The following MED12L variants were observed in gnomAD, a reference collection of about 807,000 sequenced individuals.
The protein encoded by MED12L is mediator of RNA polymerase II transcription subunit 12-like protein.
Under a neutral mutation model 281.3 loss-of-function variants are expected in MED12L, and 60 were observed. That is an observed-to-expected ratio of 0.21 (90% CI 0.17 to 0.26). MED12L has a LOEUF of 0.26. MED12L is among the 10% of genes least tolerant of loss of function. MED12L has a pLI of 1.00. For missense variants in MED12L, 2,146 were observed against 2,680.9 expected (o/e 0.80, Z 4.41); for synonymous variants, 974 against 987.2 (o/e 0.99, Z 0.25).
chr3:151,383,697 A>C, intron 33 of MED12L, 82 bp from the exon 34 acceptor site: 1 of 846,588 alleles, frequency 1.2e-6, no homozygotes, highest in Non-Finnish European at 1.9e-6. Context: ...ATAAAAAACA[A>C]TCAAAATTTG....
intron 16 of MED12L, among the ~76,000 whole-genome samples, chr3:151,224,270 A>T (rs1730028097): frequency 6.6e-6 from 1 of 152,152 alleles, no homozygotes; most frequent in South Asian, 2.1e-4. Flanking sequence ...CAGTCCAGAC[A>T]TCAAAAGCTT....
chr3:151,140,620 A>T (rs1398221673), intron 5 of MED12L, among the ~76,000 whole-genome samples: 1 of 152,186 alleles, frequency 6.6e-6, no homozygotes, highest in African/African-American at 2.4e-5. Context: ...ATTTATGTTT[A>T]ATTAATTTTT....
intron 4 of MED12L, among the ~76,000 whole-genome samples, chr3:151,125,854 A>G (rs767412707): frequency 7.9e-5 from 12 of 152,098 alleles, no homozygotes; most frequent in Non-Finnish European, 1.2e-4. Flanking sequence ...AAAATTTAGT[A>G]TCTGTCTGCA....
At chr3:151,102,700 T>C (rs78309163) in intron 2 of MED12L, among the ~76,000 whole-genome samples, 3,886 of 152,266 alleles carry the variant, frequency 0.026, 129 homozygotes, top group East Asian at 0.18. Context: ...CTTGAATTCC[T>C]GGACAATCAA....
In MED12L at chr3:151,198,701, G is replaced by T. The variant is rs951113462; in HGVS notation, c.2250+5035G>T. 2.5e-6 allele frequency: 4 copies of T among 1,613,834 alleles called. No individual in the cohort carries two copies. The East Asian group carries it at 6.7e-5, about 27-fold the overall frequency. On this transcript the variant is annotated intron_variant, in intron 16 of 44. Transcript: ENST00000687756. ...AACAAAGCATATGATGTAGCCCGTG[G>T]TCACTAAAAGTATGTTGATGAGAGC...
At chr3:151,219,625 GT>G (rs1728926837) in intron 16 of MED12L, 2 of 152,100 alleles carry the variant, frequency 1.3e-5, no homozygotes, top group East Asian at 3.8e-4. Flanking sequence ...TGGCCCAAGT[GT>G]TTTTTCATTA....
intron 16 of MED12L, among the ~76,000 whole-genome samples, chr3:151,276,238 A>T (rs1331661651): frequency 2.0e-5 from 3 of 152,212 alleles, no homozygotes; most frequent in Admixed American, 2.0e-4. Flanking sequence ...CTGATTCTGT[A>T]GGTTTGGGGT....
chr3:151,187,409 G>A (rs77370840), intron 12 of MED12L, among the ~76,000 whole-genome samples: 6,015 of 152,104 alleles, frequency 0.04, 394 homozygotes, highest in African/African-American at 0.14. Flanking sequence ...TAGCCTAAAT[G>A]TATCTATATC....
At chr3:151,188,144 C>A (rs1001089518) in intron 12 of MED12L, 3 of 344,320 alleles carry the variant, frequency 8.7e-6, no homozygotes, top group Non-Finnish European at 1.6e-5. Context: ...CGTCTGATCT[C>A]GGAAGCTAAG....
intron 39 of MED12L, 102 bp from the exon 40 acceptor site, chr3:151,409,141 C>T (rs1359634207): frequency 3.9e-6 from 3 of 779,010 alleles, no homozygotes; most frequent in East Asian, 2.6e-5. Flanking sequence ...GTTCTTTATC[C>T]ATGTAATGAG....
At chr3:151,178,181 A>AAAAAAAAAAAAAAG (rs1560124057) in intron 11 of MED12L, among the ~76,000 whole-genome samples, 4 of 149,332 alleles carry the variant, frequency 2.7e-5, no homozygotes, top group African/African-American at 1.0e-4. Flanking sequence ...AAAAAAAAAA[A>AAAAAAAAAAAAAAG]AAAGAAAGTG....
At chr3:151,102,167 G>T (rs1311792801) in intron 2 of MED12L, among the ~76,000 whole-genome samples, 4 of 152,160 alleles carry the variant, frequency 2.6e-5, no homozygotes. Flanking sequence ...GGCCCTTGTA[G>T]CTTTGGTTTA....
chr3:151,387,762 TA>T (rs750641654), intron 36 of MED12L, 47 bp from the exon 37 acceptor site: 1 of 1,548,232 alleles, frequency 6.5e-7, no homozygotes, highest in South Asian at 1.2e-5. Context: ...GGCCTATGAA[TA>T]AGGAAAAGAT....
At chr3:151,190,534 G>C (rs1297832228) in intron 13 of MED12L, among the ~76,000 whole-genome samples, 183 bp from the exon 14 acceptor site, 2 of 152,090 alleles carry the variant, frequency 1.3e-5, no homozygotes, top group Non-Finnish European at 2.9e-5. Flanking sequence ...AGTTATGGTG[G>C]GACAATCAAA....
At chr3:151,223,080 G>GTAA (rs1729711753) in intron 16 of MED12L, among the ~76,000 whole-genome samples, 2 of 150,628 alleles carry the variant, frequency 1.3e-5, no homozygotes, top group South Asian at 4.2e-4. Context: ...TCTGCATGGA[G>GTAA]TAATAATCTC....
chr3:151,276,728 A>G (rs1459281570), intron 16 of MED12L, among the ~76,000 whole-genome samples: 1 of 152,184 alleles, frequency 6.6e-6, no homozygotes, highest in Non-Finnish European at 1.5e-5. Flanking sequence ...GAAGCATCAT[A>G]GGTGGCCTTG....
intron 16 of MED12L, among the ~76,000 whole-genome samples, chr3:151,259,425 TC>T (rs1452360882): frequency 3.3e-5 from 5 of 152,200 alleles, no homozygotes; most frequent in Non-Finnish European, 5.9e-5. Context: ...AGGGTGGTCT[TC>T]TAACTTATTA....
chr3:151,308,577 T>A (rs1747022166), intron 16 of MED12L, among the ~76,000 whole-genome samples: 1 of 152,204 alleles, frequency 6.6e-6, no homozygotes, highest in African/African-American at 2.4e-5. Context: ...TTTAGTTGTT[T>A]GATTACTGTT....
intron 16 of MED12L, among the ~76,000 whole-genome samples, chr3:151,244,485 A>G (rs1457394619): frequency 6.8e-6 from 1 of 147,506 alleles, no homozygotes; most frequent in African/African-American, 2.5e-5. Context: ...ACTCAACTAC[A>G]TGGAAACTGA....
Sources: allele counts gnomAD v4.1 joint callset (sites outside exome capture counted in the v4.1 genomes callset), GRCh38; gene constraint gnomAD v4.1.1; transcripts MANE v1.5; gene names NCBI Gene and HGNC (gene_info 2026-07-23, HGNC 2026-07-21).